TFEB: variants seen among roughly 807,000 people sequenced by gnomAD.
TFEB encodes the protein T-cell transcription factor EB.
A neutral mutation model predicts 48.0 loss-of-function variants in TFEB; 12 were observed. The observed-to-expected ratio is 0.25, with a 90% CI of 0.16 to 0.40. The LOEUF (loss-of-function observed/expected upper bound fraction) is 0.40, where lower values mean the gene tolerates loss of function less well. TFEB is among the 10% of genes least tolerant of loss of function. The pLI is 1.00. For synonymous variants in TFEB, 244 were observed against 261.4 expected (o/e 0.93, Z 0.64); for missense variants, 509 against 640.3 (o/e 0.79, Z 2.21).
At position 41,685,984 on chromosome 6, in the gene TFEB, C is replaced by T. The variant is rs115272951; in HGVS notation, c.951+106G>A. On this transcript the variant is annotated intron_variant, in intron 8 of 8. Transcript: ENST00000373033. ...CTGATACATCCTCCTTCCTAATGGG[C>T]ATTATTCCTGTGTCTCCAACTTCAG... 1.2e-3 allele frequency: 1,696 copies of T among 1,417,026 alleles called. 16 individuals are homozygous for T. In the African/African-American group the frequency reaches 0.022, roughly 18 times the overall value. 87.8% of individuals were successfully genotyped at this position (1,417,026 alleles called of 1,614,324 possible). A position where few individuals can be genotyped will look rare whatever the true frequency, so the allele number is the denominator to read the frequency against.
At chr6:41,732,571 A>G in intron 1 of TFEB, 11 of 985,878 alleles carry the variant, frequency 1.1e-5, no homozygotes, top group African/African-American at 1.7e-5. Context: ...ACATTCCTAG[A>G]CACTTTAACC....
At chr6:41,699,651 C>T (rs1342249028) in intron 1 of TFEB, among the ~76,000 whole-genome samples, 1 of 152,198 alleles carries the variant, frequency 6.6e-6, no homozygotes, top group Non-Finnish European at 1.5e-5. Flanking sequence ...GGAGTGTTTA[C>T]CACAGTTCCT....
chr6:41,714,174 CGTGT>C (rs56949219), intron 1 of TFEB, among the ~76,000 whole-genome samples: 2 of 150,068 alleles, frequency 1.3e-5, no homozygotes, highest in South Asian at 2.1e-4. Context: ...TGCATGTGTG[CGTGT>C]GTGTGCATGT....
At chr6:41,696,153 G>C (rs181729112) in intron 1 of TFEB, among the ~76,000 whole-genome samples, 2 of 152,376 alleles carry the variant, frequency 1.3e-5, no homozygotes, top group East Asian at 3.9e-4. Flanking sequence ...ACTATTGTCA[G>C]CTGACGCCAG....
Position 41,684,973 on chromosome 6 carries a change from C to T in TFEB, c.1057G>A (p.Glu353Lys), listed in dbSNP as rs369557141. 1.3e-5 allele frequency: 21 copies of T among 1,577,320 alleles called. 1 individual carries two copies. Among genetic ancestry groups the T allele is most frequent in the Middle Eastern group, 1.7e-4 (1 of 5,838 alleles). The part of the protein sequence containing the change: ...QQVVKQELPS[E>K]EGPGEALMLG... The stretch of plus-strand genomic sequence containing the variant: ...ATCAGGGCCTCCCCTGGGCCCTCTT[C>T]GCTAGGCAGCTCCTGCTTCACCACC... Residue 353 changes from glutamate (E) to lysine (K), a missense_variant, in exon 9 of 9, where the codon GAA (glutamate) becomes AAA (lysine). Glu to Lys is a moderately conservative substitution (Grantham distance 56). Around this residue, in one of 4 missense-constraint regions of TFEB, gnomAD observed 62 missense variants for 90.2 expected, o/e 0.69. Transcript: ENST00000373033.
chr6:41,735,868 G>T (rs890697762), upstream of TFEB, among the ~76,000 whole-genome samples: 1 of 152,304 alleles, frequency 6.6e-6, no homozygotes, highest in South Asian at 2.1e-4. Context: ...ACATTCTGTA[G>T]CCTGTCCGAC....
chr6:41,725,352 C>T (rs1771159735), intron 1 of TFEB, among the ~76,000 whole-genome samples: 1 of 152,190 alleles, frequency 6.6e-6, no homozygotes, highest in Non-Finnish European at 1.5e-5. Flanking sequence ...CCTAGAAGCA[C>T]CTAAAAGATG....
At chr6:41,728,480 G>C (rs1045417137) in intron 1 of TFEB, among the ~76,000 whole-genome samples, 1 of 152,196 alleles carries the variant, frequency 6.6e-6, no homozygotes, top group African/African-American at 2.4e-5. Flanking sequence ...AGCTGGGAGG[G>C]GACAAGAGGC....
chr6:41,686,804 G>A (rs768602821), intron 7 of TFEB: 9 of 469,086 alleles, frequency 1.9e-5, no homozygotes, highest in African/African-American at 5.9e-5. Context: ...GCGTGAGCCC[G>A]GCCTCTTGTC....
At chr6:41,686,424 G>A in intron 7 of TFEB, 187 bp from the exon 8 acceptor site, 3 of 601,624 alleles carry the variant, frequency 5.0e-6, no homozygotes, top group Non-Finnish European at 8.4e-6. Flanking sequence ...TGTTGCCACT[G>A]CCCACTTCAT....
In TFEB at chr6:41,684,639, C is replaced by T. The variant is rs758123474; in HGVS notation, c.1391G>A (p.Arg464His). The change falls in exon 9 of 9, where the codon CGC becomes CAC. Residue 464 changes from arginine (R) to histidine (H), a missense_variant. Transcript: ENST00000373033. ...CTCCTCCATGCTGAAGCTGCTCCGG[C>T]GGCTGCTGGCCTTGGAGGCCTCGGG... is the stretch of plus-strand genomic sequence containing the variant. The part of the protein sequence containing the change: ...MSPEASKASS[R>H]RSSFSMEEGD... 9.5e-5 allele frequency: 153 copies of T among 1,607,326 alleles called. No homozygotes were observed. Among genetic ancestry groups the T allele is most frequent in the Non-Finnish European group, 1.3e-4 (148 of 1,176,996 alleles).
intron 1 of TFEB, among the ~76,000 whole-genome samples, chr6:41,725,801 A>T (rs1481946300): frequency 6.6e-6 from 1 of 152,266 alleles, no homozygotes; most frequent in Non-Finnish European, 1.5e-5. Flanking sequence ...ATACACCAGG[A>T]TGAGACATGT....
Position 41,684,797 on chromosome 6 carries a change from CG to C in TFEB, c.1232del (p.Pro411ArgfsTer135). 1.2e-6 allele frequency: 2 copies of C among 1,605,222 alleles called. No homozygotes were observed. The highest frequency in any genetic ancestry group is 1.1e-5 in the South Asian group (1 of 89,868). On this transcript the variant is annotated frameshift_variant, in exon 9 of 9. Coordinates refer to ENST00000373033, the MANE Select transcript of TFEB (RefSeq NM_001271944.2). LOFTEE classifies it high-confidence loss of function. Reference sequence around the variant, plus strand: ...CCGGCGCCAGGGGTTCGGGGTAGCCCGGGGGACCCTCGTCCTCCCTGCCCCC... The same window carrying C: ...CCGGCGCCAGGGGTTCGGGGTAGCCCGGGGACCCTCGTCCTCCCTGCCCCC... The part of the protein sequence containing the change: ...SFGGREDEGP[P>X]GYPEPLAPGH...
chr6:41,695,811 C>T (rs1203338280), intron 1 of TFEB, among the ~76,000 whole-genome samples: 1 of 152,186 alleles, frequency 6.6e-6, no homozygotes, highest in Non-Finnish European at 1.5e-5. Context: ...ATTCTGTTAA[C>T]AGGAGAAAGG....
At chr6:41,712,265 A>T (rs190181118) in intron 1 of TFEB, among the ~76,000 whole-genome samples, 4 of 152,164 alleles carry the variant, frequency 2.6e-5, no homozygotes, top group Non-Finnish European at 5.9e-5. Context: ...AGGACTCCAG[A>T]TCCTACCGTC....
At position 41,715,161 on chromosome 6, in the gene TFEB, C is replaced by T. The variant is rs142050993; in HGVS notation, c.-23+20189G>A. Among the ~76,000 whole-genome samples the T allele has an allele frequency of 1.6e-3, 238 of 152,202 alleles. 1 individual carries two copies. Among genetic ancestry groups the T allele is most frequent in the African/African-American group, 5.3e-3 (219 of 41,512 alleles). On this transcript the variant is annotated intron_variant, in intron 1 of 8. Coordinates refer to ENST00000373033, the MANE Select transcript of TFEB (RefSeq NM_001271944.2). ...CCCAAGGCACCTTCTGGGACTGTGACGAAGAATCTGAAAACCACAGTTTTC... is the reference window on the plus strand; with the variant it reads ...CCCAAGGCACCTTCTGGGACTGTGATGAAGAATCTGAAAACCACAGTTTTC...
chr6:41,698,226 C>T (rs1375592421), intron 1 of TFEB, among the ~76,000 whole-genome samples: 2 of 152,130 alleles, frequency 1.3e-5, no homozygotes, highest in Non-Finnish European at 2.9e-5. Context: ...CTGAAGGTCA[C>T]AGAGCTAATG....
chr6:41,728,109 G>A (rs1035527345), intron 1 of TFEB, among the ~76,000 whole-genome samples: 5 of 152,196 alleles, frequency 3.3e-5, no homozygotes, highest in East Asian at 1.9e-4. Flanking sequence ...GTATCACCGC[G>A]CTTATGTTGT....
At chr6:41,725,214 C>T (rs1040336643) in intron 1 of TFEB, among the ~76,000 whole-genome samples, 2 of 152,162 alleles carry the variant, frequency 1.3e-5, no homozygotes, top group African/African-American at 4.8e-5. Context: ...ACACTCAGGG[C>T]CAGGTAATTA....
Sources: allele counts gnomAD v4.1 joint callset (sites outside exome capture counted in the v4.1 genomes callset), GRCh38; gene constraint gnomAD v4.1.1; regional missense constraint gnomAD v4.1.1; transcripts MANE v1.5; gene names NCBI Gene and HGNC (gene_info 2026-07-23, HGNC 2026-07-21).